The following RAD51B variants were observed in gnomAD, a reference collection of about 807,000 sequenced individuals.
RAD51B encodes the protein DNA repair protein RAD51 homolog 2.
In RAD51B, 38 loss-of-function variants were observed where a neutral mutation model predicts 42.2. The observed-to-expected ratio is 0.90, with a 90% CI of 0.70 to 1.18. RAD51B has a LOEUF of 1.18. Among genes scored for constraint, RAD51B ranks in the 50% most tolerant of loss-of-function variants. The probability of loss-of-function intolerance (pLI) is 0.00; values close to 1 mark genes in which losing one functional copy is unlikely to be tolerated. For missense variants in RAD51B, 373 were observed against 400.7 expected, an observed-to-expected ratio of 0.93 and a Z score of 0.59; for synonymous variants, 154 against 145.2, an observed-to-expected ratio of 1.06 and a Z score of -0.43.
intron 3 of RAD51B, among the ~76,000 whole-genome samples, chr14:67,829,551 A>G (rs1202536537): frequency 6.8e-6 from 1 of 147,484 alleles, no homozygotes; most frequent in Non-Finnish European, 1.5e-5. Flanking sequence ...CCAGTATTTT[A>G]TTTTCTTTGT....
intron 3 of RAD51B, among the ~76,000 whole-genome samples, chr14:67,832,991 A>C (rs940714756): frequency 2.6e-5 from 4 of 152,256 alleles, no homozygotes; most frequent in African/African-American, 9.6e-5. Context: ...TTGTAGTTCT[A>C]AATACATCAG....
chr14:68,159,484 A>T (rs759040329), intron 7 of RAD51B, among the ~76,000 whole-genome samples: 25 of 152,082 alleles, frequency 1.6e-4, no homozygotes, highest in African/African-American at 6.0e-4. Flanking sequence ...GCCAGCCACG[A>T]TGGCGTGTGC....
chr14:67,963,866 T>TA (rs2074716417), intron 7 of RAD51B, among the ~76,000 whole-genome samples: 3 of 151,862 alleles, frequency 2.0e-5, no homozygotes, highest in Admixed American at 2.0e-4. Context: ...TTCATGTGTT[T>TA]AAAAAAAATC....
chr14:67,827,976 A>G (rs1232380073), intron 3 of RAD51B, among the ~76,000 whole-genome samples: 3 of 152,182 alleles, frequency 2.0e-5, no homozygotes, highest in Non-Finnish European at 4.4e-5. Context: ...TTATAATAGA[A>G]TGATTTGTAT....
intron 7 of RAD51B, among the ~76,000 whole-genome samples, chr14:68,155,195 CT>C (rs576162765): frequency 0.03 from 4,188 of 141,534 alleles, 148 homozygotes; most frequent in African/African-American, 0.08. Flanking sequence ...TATTATATTT[CT>C]TTTTTTTTTT....
chr14:68,046,690 C>T (rs527332763), intron 7 of RAD51B, among the ~76,000 whole-genome samples: 2 of 152,280 alleles, frequency 1.3e-5, no homozygotes, highest in Admixed American at 1.3e-4. Flanking sequence ...GAGCTGTGAT[C>T]ATGCCACTGC....
At chr14:68,526,902 G>C (rs978993016) in intron 10 of RAD51B, among the ~76,000 whole-genome samples, 1 of 152,216 alleles carries the variant, frequency 6.6e-6, no homozygotes, top group African/African-American at 2.4e-5. Context: ...GCTTTGGACA[G>C]AGGCCACTCA....
At chr14:68,257,453 C>T (rs2080777130) in intron 7 of RAD51B, among the ~76,000 whole-genome samples, 1 of 152,004 alleles carries the variant, frequency 6.6e-6, no homozygotes, top group South Asian at 2.1e-4. Context: ...AAAACTCCTT[C>T]AGTGTCTAAA....
At chr14:68,160,365 C>T (rs2078612509) in intron 7 of RAD51B, among the ~76,000 whole-genome samples, 1 of 152,146 alleles carries the variant, frequency 6.6e-6, no homozygotes, top group Non-Finnish European at 1.5e-5. Flanking sequence ...CCTGAGTTCC[C>T]TAGCTTTCAA....
intron 7 of RAD51B, among the ~76,000 whole-genome samples, chr14:68,150,856 T>C (rs2078363360): frequency 6.6e-6 from 1 of 152,186 alleles, no homozygotes; most frequent in East Asian, 1.9e-4. Flanking sequence ...CTTACGATAG[T>C]CTTAAAGTAG....
At chr14:68,573,106 C>G (rs1889791503) in intron 10 of RAD51B, among the ~76,000 whole-genome samples, 2 of 152,174 alleles carry the variant, frequency 1.3e-5, no homozygotes, top group African/African-American at 4.8e-5. Flanking sequence ...CCAGTCAACT[C>G]CCAGCAGCCA....
intron 7 of RAD51B, among the ~76,000 whole-genome samples, chr14:67,929,802 CT>C (rs576226828): frequency 5.0e-4 from 71 of 142,836 alleles, no homozygotes; most frequent in Middle Eastern, 3.8e-3. Context: ...CTTTCTGTGT[CT>C]TTTTTTTTTG....
rs2085107065 is a variant in RAD51B, at chr14:68,434,796, T to A, written c.957+23269T>A. Among the ~76,000 whole-genome samples, 6 of 152,284 alleles carry A rather than the reference T, an allele frequency of 3.9e-5. No individual in the cohort carries two copies. The South Asian group carries it at 1.2e-3, about 32-fold the overall frequency. ...GCCCCGGTGAGATGAACCCGGTACC[T>A]GAGTTGGAAATGCAGAAATCACCCG... On this transcript the variant is annotated intron_variant, in intron 9 of 10. Transcript: ENST00000471583.
chr14:68,391,185 C>T (rs201287467), intron 8 of RAD51B, among the ~76,000 whole-genome samples: 1 of 85,782 alleles, frequency 1.2e-5, no homozygotes, highest in Non-Finnish European at 2.3e-5. Context: ...TTTCTTTCTT[C>T]TTTCCTTTCT....
chr14:68,431,296 C>T (rs926307545), intron 9 of RAD51B, among the ~76,000 whole-genome samples: 1 of 152,102 alleles, frequency 6.6e-6, no homozygotes, highest in Non-Finnish European at 1.5e-5. Context: ...CCCTCTTTTT[C>T]TATTGATTGG....
At chr14:67,986,780 G>A (rs2075201627) in intron 7 of RAD51B, among the ~76,000 whole-genome samples, 1 of 152,178 alleles carries the variant, frequency 6.6e-6, no homozygotes, top group South Asian at 2.1e-4. Context: ...TGCTCAGGCT[G>A]GAGTTCAGTG....
At chr14:68,540,434 A>C in intron 10 of RAD51B, 1 of 985,320 alleles carries the variant, frequency 1.0e-6, no homozygotes, top group Non-Finnish European at 1.2e-6. Context: ...AATTTGATTC[A>C]CTTGCCACCT....
At chr14:68,442,950 TC>T (rs1157589213) in intron 9 of RAD51B, among the ~76,000 whole-genome samples, 1 of 152,086 alleles carries the variant, frequency 6.6e-6, no homozygotes, top group East Asian at 1.9e-4. Context: ...AGGTTGTTGC[TC>T]CCCCTGAAAC....
chr14:68,399,743 T>C (rs1465875693), intron 8 of RAD51B, among the ~76,000 whole-genome samples: 1 of 152,202 alleles, frequency 6.6e-6, no homozygotes, highest in Non-Finnish European at 1.5e-5. Context: ...CAAGAACTTC[T>C]CTTACATAAC....
Sources: allele counts gnomAD v4.1 joint callset (sites outside exome capture counted in the v4.1 genomes callset), GRCh38; gene constraint gnomAD v4.1.1; transcripts MANE v1.5; gene names NCBI Gene and HGNC (gene_info 2026-07-23, HGNC 2026-07-21).